NDST4: variants seen among roughly 807,000 people sequenced by gnomAD.
NDST4 encodes N-heparan sulfate sulfotransferase 4.
NDST4 carries 63 observed loss-of-function variants against 100.8 expected under a neutral mutation model. That is an observed-to-expected ratio of 0.62 (90% confidence interval 0.51 to 0.77). The LOEUF (loss-of-function observed/expected upper bound fraction) is 0.77. Among genes scored for constraint, NDST4 ranks in the 30% least tolerant of loss-of-function variants. The pLI, the probability that NDST4 is intolerant of heterozygous loss-of-function variation, is 0.00. For missense variants in NDST4, 943 were observed against 1,018.4 expected, an observed-to-expected ratio of 0.93 and a Z score of 1.01; for synonymous variants, 377 against 361.8, an observed-to-expected ratio of 1.04 and a Z score of -0.48.
intron 2 of NDST4, among the ~76,000 whole-genome samples, chr4:115,032,280 T>C (rs1466230814): frequency 6.6e-6 from 1 of 152,122 alleles, no homozygotes. Context: ...ACGGTAATAG[T>C]CAGCAATAAC....
In NDST4 at chr4:115,104,594, A is replaced by AT. The variant is rs138181086; in HGVS notation, c.-247+8849dup. Among the ~76,000 whole-genome samples the AT allele has an allele frequency of 9.2e-5, 14 of 151,958 alleles. 1 individual carries two copies. The highest frequency in any genetic ancestry group is 3.9e-4 in the Admixed American group (6 of 15,234). On this transcript the variant is annotated intron_variant, in intron 1 of 13. Transcript: ENST00000264363. ...AAACTATTTGGCCCCTTTTTCTAAC[A>AT]TTTTTTTCTCTGGGATATAGTATGT...
chr4:115,070,361 A>G (rs923229365), intron 2 of NDST4, among the ~76,000 whole-genome samples: 1 of 152,146 alleles, frequency 6.6e-6, no homozygotes, highest in Non-Finnish European at 1.5e-5. Context: ...GAGCTAAAAG[A>G]TGAGAACACA....
intron 2 of NDST4, among the ~76,000 whole-genome samples, chr4:115,005,210 A>G (rs1727386669): frequency 6.6e-6 from 1 of 152,208 alleles, no homozygotes; most frequent in Non-Finnish European, 1.5e-5. Context: ...AATAGAGAAC[A>G]ATACACACAA....
chr4:114,934,220 A>T (rs1173646352), intron 6 of NDST4, among the ~76,000 whole-genome samples: 1 of 152,204 alleles, frequency 6.6e-6, no homozygotes, highest in Non-Finnish European at 1.5e-5. Context: ...ATGAACCAGG[A>T]GGACATATGC....
intron 6 of NDST4, among the ~76,000 whole-genome samples, chr4:114,892,430 T>C (rs746439691): frequency 1.3e-5 from 2 of 152,130 alleles, no homozygotes; most frequent in Admixed American, 6.6e-5. Context: ...GTGCAAGTTG[T>C]CTCAACTTCT....
At chr4:114,994,443 C>A (rs966985169) in intron 2 of NDST4, among the ~76,000 whole-genome samples, 2 of 151,782 alleles carry the variant, frequency 1.3e-5, no homozygotes, top group Non-Finnish European at 2.9e-5. Context: ...ATGATGCATC[C>A]CATGAGCCTA....
intron 6 of NDST4, among the ~76,000 whole-genome samples, chr4:114,889,418 C>A (rs775476971): frequency 3.5e-4 from 53 of 152,042 alleles, no homozygotes; most frequent in Non-Finnish European, 6.3e-4. Context: ...TGAAGATGAC[C>A]TTGAAGAATA....
At chr4:115,089,407 A>G (rs1046597831) in intron 1 of NDST4, among the ~76,000 whole-genome samples, 19 of 151,804 alleles carry the variant, frequency 1.3e-4, no homozygotes, top group Non-Finnish European at 1.8e-4. Context: ...GGTGAGTTTC[A>G]TAACTGTAAG....
intron 6 of NDST4, among the ~76,000 whole-genome samples, chr4:114,877,676 C>T (rs1724284069): frequency 6.6e-6 from 1 of 152,164 alleles, no homozygotes; most frequent in South Asian, 2.1e-4. Context: ...AGGCCGGGCG[C>T]AATGGTTCAC....
At chr4:115,086,588 T>C (rs1729414468) in intron 1 of NDST4, among the ~76,000 whole-genome samples, 1 of 152,050 alleles carries the variant, frequency 6.6e-6, no homozygotes, top group Non-Finnish European at 1.5e-5. Flanking sequence ...TAACATAATA[T>C]TATACTAGGT....
chr4:115,013,629 A>G (rs1578453574), intron 2 of NDST4, among the ~76,000 whole-genome samples: 1 of 151,694 alleles, frequency 6.6e-6, no homozygotes, highest in Non-Finnish European at 1.5e-5. Context: ...CAGGTGATCA[A>G]TGGAGTTTTA....
chr4:114,932,567 G>C (rs1049404782), intron 6 of NDST4, among the ~76,000 whole-genome samples: 2 of 151,926 alleles, frequency 1.3e-5, no homozygotes, highest in African/African-American at 4.8e-5. Context: ...GTTTCTGTTT[G>C]CAGATAACAT....
intron 7 of NDST4, among the ~76,000 whole-genome samples, chr4:114,858,866 C>G (rs948310869): frequency 2.0e-5 from 3 of 152,168 alleles, no homozygotes; most frequent in African/African-American, 7.2e-5. Context: ...AAAACTCCTA[C>G]CTGGTCACTT....
Position 115,076,683 on chromosome 4 carries a change from A to G in NDST4, c.354T>C (p.Pro118=). ...MVIAPGKGDI[P]PLTDNGKGKY... ...TCCCTTTGCCATTATCTGTAAGAGG[A>G]GGTATATCTCCCTTTCCAGGGGCAA... The change falls in exon 2 of 14, where the codon CCT becomes CCC. Residue 118 remains proline (P), a synonymous_variant. Coordinates refer to ENST00000264363, the MANE Select transcript of NDST4 (RefSeq NM_022569.3). 2.5e-6 allele frequency: 4 copies of G among 1,613,936 alleles called. No individual in the cohort carries two copies. In the South Asian group the frequency reaches 3.3e-5, roughly 13 times the overall value.
chr4:114,924,253 C>A (rs188603392), intron 6 of NDST4, among the ~76,000 whole-genome samples: 94 of 152,114 alleles, frequency 6.2e-4, no homozygotes, highest in African/African-American at 2.2e-3. Flanking sequence ...TCTCTACATC[C>A]TTATGCTAAC....
At chr4:114,903,379 G>T (rs1311612888) in intron 6 of NDST4, among the ~76,000 whole-genome samples, 2 of 152,024 alleles carry the variant, frequency 1.3e-5, no homozygotes, top group Non-Finnish European at 2.9e-5. Flanking sequence ...TCAAGCTTCT[G>T]GAGGTAAAAG....
intron 11 of NDST4, among the ~76,000 whole-genome samples, chr4:114,836,390 T>C (rs2126181872): frequency 6.6e-6 from 1 of 152,354 alleles, no homozygotes; most frequent in East Asian, 1.9e-4. Flanking sequence ...TGGCTAAATA[T>C]GAAATTCTTT....
chr4:114,962,162 T>G (rs1726277755), intron 4 of NDST4, among the ~76,000 whole-genome samples: 1 of 152,056 alleles, frequency 6.6e-6, no homozygotes, highest in African/African-American at 2.4e-5. Flanking sequence ...TTCTTCAACT[T>G]GATAATAGGT....
intron 2 of NDST4, among the ~76,000 whole-genome samples, chr4:115,035,147 C>T (rs551741837): frequency 1.2e-3 from 181 of 152,230 alleles, no homozygotes; most frequent in African/African-American, 4.2e-3. Flanking sequence ...ATTTCATTTG[C>T]TTGCAACTTT....
Sources: allele counts gnomAD v4.1 joint callset (sites outside exome capture counted in the v4.1 genomes callset), GRCh38; gene constraint gnomAD v4.1.1; transcripts MANE v1.5; gene names NCBI Gene and HGNC (gene_info 2026-07-23, HGNC 2026-07-21).